The following TSR2 variants were observed in gnomAD, a reference collection of about 807,000 sequenced individuals.
TSR2 encodes TSR2 ribosome maturation factor.
Under a neutral mutation model 13.3 loss-of-function variants are expected in TSR2, and 1 was observed. The observed-to-expected ratio is 0.08, with a 90% confidence interval of 0.03 to 0.36. The LOEUF (loss-of-function observed/expected upper bound fraction) is 0.36, where lower values mean the gene tolerates loss of function less well. Ranked by LOEUF, TSR2 falls within the 10% of genes least tolerant of loss-of-function variation. The probability of loss-of-function intolerance (pLI) is 0.99; values close to 1 mark genes in which losing one functional copy is unlikely to be tolerated. For synonymous variants in TSR2, 60 were observed against 57.7 expected (o/e 1.04, Z -0.18); for missense variants, 120 against 151.1 (o/e 0.79, Z 1.08).
intron 1 of TSR2, 21 bp downstream of exon 1, chrX:54,440,523 G>C: frequency 1.7e-6 from 2 of 1,148,651 alleles, no homozygotes; most frequent in East Asian, 6.4e-5. Context: ...CCAGGGCCAG[G>C]GCAAGGTCAA....
Position 54,447,262 on chromosome X carries a change from T to A in TSR2, c.*2712T>A. 8.4e-7 allele frequency: 1 copy of A among 1,194,387 alleles called. No individual in the cohort carries two copies. Among genetic ancestry groups the A allele is most frequent in the Admixed American group, 2.2e-5 (1 of 45,980 alleles). On this transcript the variant is annotated 3_prime_UTR_variant, in exon 5 of 5. Transcript: ENST00000375151. ...GGCCAAGGAGAGGTCAAGGACTGGA[T>A]CTGGCTTTGCCAGGTGGCTGAAAGG... is the stretch of plus-strand genomic sequence containing the variant.
Position 54,444,687 on chromosome X carries a change from TC to T in TSR2, c.*140del. 1 of 656,882 alleles carries T rather than the reference TC, an allele frequency of 1.5e-6. No homozygotes were observed. Among genetic ancestry groups the T allele is most frequent in the African/African-American group, 2.2e-5 (1 of 44,603 alleles). 54.1% of individuals were successfully genotyped at this position (656,882 alleles called of 1,213,427 possible). ...CCTCTCCCCTGTTCCTCTGTCTGGC[TC>T]CCTCCAGGGCAAGGAAAACCTAGGG... On this transcript the variant is annotated 3_prime_UTR_variant, in exon 5 of 5. Transcript: ENST00000375151.
At chrX:54,444,297 T>G (rs777465929) in intron 4 of TSR2, 113 bp downstream of exon 4, 7 of 1,152,298 alleles carry the variant, frequency 6.1e-6, no homozygotes, top group African/African-American at 3.6e-5. Flanking sequence ...GGTAGTAGTA[T>G]TATCCAGAGA....
intron 2 of TSR2, among the ~76,000 whole-genome samples, chrX:54,441,074 C>T (rs902380616): frequency 5.4e-5 from 6 of 111,670 alleles, no homozygotes; most frequent in Non-Finnish European, 1.1e-4. Context: ...AAATATTATG[C>T]TAGTCACATA....
rs1448012579 is a variant in TSR2 at position 54,445,801 on chromosome X, G to C, written c.*1251G>C. On this transcript the variant is annotated 3_prime_UTR_variant, in exon 5 of 5. Transcript: ENST00000375151. ...TTTGTGGGGAACTGGGTGGAGGCAGGATCTGTGGTAGGGTATTGAGGGATG... is the reference window on the plus strand; with the variant it reads ...TTTGTGGGGAACTGGGTGGAGGCAGCATCTGTGGTAGGGTATTGAGGGATG... 3 of 251,733 alleles carry C rather than the reference G, an allele frequency of 1.2e-5. No individual in the cohort carries two copies. The Admixed American group carries it at 2.1e-4, about 17-fold the overall frequency. The allele number at this position is 251,733 out of a possible 1,213,427, so 20.7% of individuals were successfully genotyped here.
rs767928682 is a variant in TSR2, at chrX:54,446,242, C to T, written c.*1692C>T. The T allele has an allele frequency of 1.3e-5, 16 of 1,211,910 alleles. No individual in the cohort carries two copies. The highest frequency in any genetic ancestry group is 1.7e-5 in the Non-Finnish European group (15 of 895,454). On this transcript the variant is annotated 3_prime_UTR_variant, in exon 5 of 5. Coordinates refer to ENST00000375151, the MANE Select transcript of TSR2 (RefSeq NM_058163.3). ...GCAGAACGTGTCCCCTCGGCCCGCC[C>T]GGCCAAGCACAGCCATCCAGCGTCG...
rs756963251 is a variant in TSR2 at position 54,445,132 on chromosome X, G to T, written c.*582G>T. On this transcript the variant is annotated 3_prime_UTR_variant, in exon 5 of 5. Coordinates refer to ENST00000375151, the MANE Select transcript of TSR2 (RefSeq NM_058163.3). ...CTGCCTTCCTTCAGCCCAGCCTCCA[G>T]TCCTGGGTTCCCTCAGGAATTCGAA... 1.8e-5 allele frequency: 2 copies of T among 111,384 alleles called. No homozygotes were observed. Among genetic ancestry groups the T allele is most frequent in the East Asian group, 5.7e-4 (2 of 3,517 alleles). The allele number at this position is 111,384 out of a possible 1,213,427, so 9.2% of individuals were successfully genotyped here. A position where few individuals can be genotyped will look rare whatever the true frequency, so the allele number is the denominator to read the frequency against.
chrX:54,440,502 G>A lies in TSR2; in HGVS notation c.81G>A (p.Gln27=). The change falls in exon 1 of 5, where the codon CAG becomes CAA. Residue 27 remains glutamine, a splice_region_variant and synonymous_variant. Coordinates refer to ENST00000375151, the MANE Select transcript of TSR2 (RefSeq NM_058163.3). ...CAALEAWPAL[Q]IAVENGFGGV... is the part of the protein sequence containing the mutation. ...CCCTGGAGGCCTGGCCGGCCTTGCA[G>A]GTCAGTGGGGCCAGGGCCAGGGCAA... 1 of 1,143,512 alleles carries A rather than the reference G, an allele frequency of 8.7e-7. No homozygotes were observed. The highest frequency in any genetic ancestry group is 1.2e-6 in the Non-Finnish European group (1 of 863,237). The allele number at this position is 1,143,512 out of a possible 1,213,427, so 94.2% of individuals were successfully genotyped here. A position where few individuals can be genotyped will look rare whatever the true frequency, so the allele number is the denominator to read the frequency against.
chrX:54,444,374 A>G lies in TSR2; in HGVS notation c.442-42A>G. On this transcript the variant is annotated intron_variant, in intron 4 of 4. Coordinates refer to ENST00000375151, the MANE Select transcript of TSR2 (RefSeq NM_058163.3). ...AAGCTGGAGCAGAGCCTGGGTCTCC[A>G]GTGGTCAGTGTATTCAGCTCTCTTT... The G allele has an allele frequency of 2.5e-6, 3 of 1,179,071 alleles. No individual in the cohort carries two copies. The South Asian group carries it at 5.8e-5, about 23-fold the overall frequency.
rs1304164315 is a variant in TSR2 at position 54,447,020 on chromosome X, G to A, written c.*2470G>A. ...ATTACAGGCGTGAGCCACTGCGCTC[G>A]GTCCCATCTGCATACTCTTACCCAC... On this transcript the variant is annotated 3_prime_UTR_variant, in exon 5 of 5. Coordinates refer to ENST00000375151, the MANE Select transcript of TSR2 (RefSeq NM_058163.3). Among the ~76,000 whole-genome samples the A allele has an allele frequency of 3.6e-5, 4 of 111,222 alleles. No individual in the cohort carries two copies. Among genetic ancestry groups the A allele is most frequent in the African/African-American group, 1.3e-4 (4 of 30,578 alleles).
chrX:54,441,439 C>G (rs1282913702), intron 2 of TSR2, among the ~76,000 whole-genome samples: 1 of 111,712 alleles, frequency 9.0e-6, no homozygotes, highest in African/African-American at 3.3e-5. Flanking sequence ...TTGGAGATGA[C>G]ATTAGGCAGA....
intron 2 of TSR2, among the ~76,000 whole-genome samples, chrX:54,441,677 A>G (rs1351204865): frequency 9.0e-6 from 1 of 110,803 alleles, no homozygotes; most frequent in South Asian, 3.9e-4. Context: ...ATGAGGGTAT[A>G]ATGTGTTATA....
Position 54,447,071 on chromosome X carries a change from A to G in TSR2, c.*2521A>G, listed in dbSNP as rs1177296688. Among the ~76,000 whole-genome samples the G allele has an allele frequency of 2.7e-5, 3 of 111,269 alleles. No homozygotes were observed. The highest frequency in any genetic ancestry group is 6.5e-5 in the African/African-American group (2 of 30,601). On this transcript the variant is annotated 3_prime_UTR_variant, in exon 5 of 5. Transcript: ENST00000375151. ...TCCAAATTGGACCTAGCAGTTCCCC[A>G]TCTCTACTCCTTCCAGGAAGCCAGG...
At chrX:54,440,589 T>C in intron 1 of TSR2, 87 bp downstream of exon 1, 1 of 1,126,460 alleles carries the variant, frequency 8.9e-7, no homozygotes, top group Non-Finnish European at 1.2e-6. Context: ...GAGGCTTGGC[T>C]AGGCGGCATA....
Position 54,446,499 on chromosome X carries a change from C to T in TSR2, c.*1949C>T. ...GCTTCTAACTGGTTTTGCATATGCT[C>T]TGTCTTCAGTCCCCTACTCAGGAAC... On this transcript the variant is annotated 3_prime_UTR_variant, in exon 5 of 5. Coordinates refer to ENST00000375151, the MANE Select transcript of TSR2 (RefSeq NM_058163.3). The T allele has an allele frequency of 1.1e-6, 1 of 918,501 alleles. No homozygotes were observed. The highest frequency in any genetic ancestry group is 1.5e-6 in the Non-Finnish European group (1 of 655,067). The allele number at this position is 918,501 out of a possible 1,213,427, so 75.7% of individuals were successfully genotyped here. A position where few individuals can be genotyped will look rare whatever the true frequency, so the allele number is the denominator to read the frequency against.
chrX:54,440,947 C>T (rs146194705), intron 2 of TSR2, among the ~76,000 whole-genome samples, 167 bp downstream of exon 2: 2,779 of 111,404 alleles, frequency 0.025, 95 homozygotes, highest in African/African-American at 0.087. Context: ...CAGTGCTTTA[C>T]GGGCTGTACC....
In TSR2 at chrX:54,440,930, T is replaced by C. The variant is rs1227959087; in HGVS notation, c.172+150T>C. On this transcript the variant is annotated intron_variant, in intron 2 of 4. Coordinates refer to ENST00000375151, the MANE Select transcript of TSR2 (RefSeq NM_058163.3). ...AATTCAGCTTTTAGAATCAGAATCC[T>C]GGATTCCAGTGCTTTACGGGCTGTA... The C allele has an allele frequency of 6.6e-6, 3 of 456,731 alleles. No individual in the cohort carries two copies. The Admixed American group carries it at 1.4e-4, about 22-fold the overall frequency. 37.6% of individuals were successfully genotyped at this position (456,731 alleles called of 1,213,427 possible).
At chrX:54,443,205 T>C (rs1026832837) in intron 2 of TSR2, among the ~76,000 whole-genome samples, 195 bp from the exon 3 acceptor site, 4 of 111,101 alleles carry the variant, frequency 3.6e-5, no homozygotes, top group Admixed American at 1.9e-4. Context: ...ATGGAAGAGA[T>C]TGGAAATGAG....
At position 54,440,413 on chromosome X, in the gene TSR2, G is replaced by C. The variant is rs1921877565; in HGVS notation, c.-9G>C. ...GCCGCCGGGACGTCACGTGGACTGG[G>C]GCCGGATAATGGCGGGCGCTGCAGA... On this transcript the variant is annotated 5_prime_UTR_variant, in exon 1 of 5. Coordinates refer to ENST00000375151, the MANE Select transcript of TSR2 (RefSeq NM_058163.3). The C allele has an allele frequency of 8.8e-7, 1 of 1,134,250 alleles. No individual in the cohort carries two copies. The highest frequency in any genetic ancestry group is 1.2e-6 in the Non-Finnish European group (1 of 860,521). 93.5% of individuals were successfully genotyped at this position (1,134,250 alleles called of 1,213,427 possible).
Sources: gnomAD v4.1 joint callset for allele counts (sites outside exome capture counted in the v4.1 genomes callset) on GRCh38, gnomAD v4.1.1 for gene constraint, MANE v1.5 for transcripts, NCBI Gene and HGNC (gene_info 2026-07-23, HGNC 2026-07-21) for gene names.